TAFA5: variants seen among roughly 807,000 people sequenced by gnomAD.
TAFA5 encodes the protein chemokine-like protein TAFA-5.
A neutral mutation model predicts 15.3 loss-of-function variants in TAFA5; 6 were observed. The ratio of observed to expected loss-of-function variants is 0.39; its 90% CI spans 0.21 to 0.77. The LOEUF (loss-of-function observed/expected upper bound fraction) is 0.77. Among genes scored for constraint, TAFA5 ranks in the 30% least tolerant of loss-of-function variants. TAFA5 has a pLI of 0.41. For missense variants in TAFA5, 161 were observed against 193.1 expected (o/e 0.83, Z 0.98); for synonymous variants, 103 against 80.7 (o/e 1.28, Z -1.48).
intron 1 of TAFA5, among the ~76,000 whole-genome samples, chr22:48,551,818 G>A (rs907514854): frequency 1.6e-4 from 25 of 152,272 alleles, no homozygotes; most frequent in African/African-American, 2.9e-4. Flanking sequence ...TGCCCCGCCC[G>A]CTCCCCTGGC....
chr22:48,576,369 G>C, intron 1 of TAFA5: 1 of 1,220,620 alleles, frequency 8.2e-7, no homozygotes, highest in East Asian at 3.4e-5. Context: ...GTTGGCGGCG[G>C]ATGGAGGGCG....
chr22:48,517,806 G>A (rs1921465132), intron 1 of TAFA5, among the ~76,000 whole-genome samples: 1 of 152,098 alleles, frequency 6.6e-6, no homozygotes, highest in East Asian at 1.9e-4. Context: ...CCTCTCCCCT[G>A]CCCCCTCTGT....
chr22:48,622,307 G>A (rs1037509213), intron 1 of TAFA5, among the ~76,000 whole-genome samples: 4 of 152,170 alleles, frequency 2.6e-5, no homozygotes, highest in Non-Finnish European at 2.9e-5. Context: ...TGTTTCACAT[G>A]GGGGGCAGGC....
chr22:48,726,367 C>T (rs1432246861), intron 3 of TAFA5, among the ~76,000 whole-genome samples: 2 of 152,226 alleles, frequency 1.3e-5, no homozygotes, highest in Non-Finnish European at 2.9e-5. Flanking sequence ...GGGGCACTTA[C>T]ATACAGGGTA....
chr22:48,576,537 C>T (rs892877649), intron 1 of TAFA5: 13 of 1,519,042 alleles, frequency 8.6e-6, no homozygotes, highest in African/African-American at 4.3e-5. Context: ...GCTGCTTCCT[C>T]GTCCTAGTGA....
Position 48,646,586 on chromosome 22 carries a change from CCT to C in TAFA5, c.113-6_113-5del, listed in dbSNP as rs1196881008. 6.2e-7 allele frequency: 1 copy of C among 1,612,066 alleles called. No individual in the cohort carries two copies. The highest frequency in any genetic ancestry group is 1.1e-5 in the South Asian group (1 of 91,000). On this transcript the variant is annotated splice_polypyrimidine_tract_variant and intron_variant, in intron 1 of 3. Coordinates refer to ENST00000402357, the MANE Select transcript of TAFA5 (RefSeq NM_001082967.3). ...GTGTGGCCGCTCAGTCGCTTCTGCT[CCT>C]CTCTGCAGGTCAGCTGGCCGCCGGC...
chr22:48,729,494 A>C (rs2147266179), intron 3 of TAFA5, among the ~76,000 whole-genome samples: 2 of 147,784 alleles, frequency 1.4e-5, no homozygotes, highest in Admixed American at 1.4e-4. Flanking sequence ...TGAAAAGAGG[A>C]ATCAGATTAC....
intron 1 of TAFA5, among the ~76,000 whole-genome samples, chr22:48,640,210 G>C (rs1319570387): frequency 6.6e-6 from 1 of 152,180 alleles, no homozygotes. Flanking sequence ...GTGGAGGCTA[G>C]ATCTGGCCCT....
chr22:48,730,585 C>T (rs367954616), intron 3 of TAFA5, among the ~76,000 whole-genome samples: 3 of 152,174 alleles, frequency 2.0e-5, no homozygotes, highest in Non-Finnish European at 4.4e-5. Context: ...TTTTCAACAG[C>T]GTATGCTCAC....
At chr22:48,517,033 GTA>G (rs969575681) in intron 1 of TAFA5, among the ~76,000 whole-genome samples, 4 of 152,192 alleles carry the variant, frequency 2.6e-5, no homozygotes, top group African/African-American at 7.2e-5. Flanking sequence ...CCACCATGCT[GTA>G]CAACCCCACA....
chr22:48,748,288 G>A (rs9628480), intron 3 of TAFA5, among the ~76,000 whole-genome samples: 54,293 of 152,196 alleles, frequency 0.36, 11,469 homozygotes, highest in African/African-American at 0.58. Context: ...CTGGAACAAC[G>A]GCTGCAGACT....
At chr22:48,635,528 G>A (rs542175223) in intron 1 of TAFA5, among the ~76,000 whole-genome samples, 3 of 152,358 alleles carry the variant, frequency 2.0e-5, no homozygotes, top group African/African-American at 4.8e-5. Context: ...ACTGCGCAGC[G>A]CATTTCAGGG....
intron 2 of TAFA5, among the ~76,000 whole-genome samples, chr22:48,697,480 T>C (rs1181340741): frequency 6.6e-6 from 1 of 151,216 alleles, no homozygotes; most frequent in African/African-American, 2.4e-5. Context: ...GATGGTGATG[T>C]TGGTGATGGT....
intron 1 of TAFA5, among the ~76,000 whole-genome samples, chr22:48,582,365 T>TACCACACACAAAATAC (rs1924084807): frequency 8.0e-6 from 1 of 124,610 alleles, no homozygotes; most frequent in Non-Finnish European, 1.7e-5. Flanking sequence ...ATACACCACG[T>TACCACACACAAAATAC]ACCACACACA....
intron 3 of TAFA5, among the ~76,000 whole-genome samples, chr22:48,741,176 C>T (rs552593791): frequency 2.0e-5 from 3 of 152,272 alleles, no homozygotes; most frequent in South Asian, 4.1e-4. Flanking sequence ...GATTCCACCC[C>T]AGCCCCTTGG....
In TAFA5 at chr22:48,700,305, G is replaced by A. The variant is rs552839272; in HGVS notation, c.263-7412G>A. ...TCAGGGCAGGGGTGCAAGGAAAGGA[G>A]CTGGAAGCTAGCAGGTGGGGTGGGG... On this transcript the variant is annotated intron_variant, in intron 2 of 3. Transcript: ENST00000402357. Among the ~76,000 whole-genome samples the A allele has an allele frequency of 8.5e-5, 13 of 152,276 alleles. 1 individual carries two copies. Among genetic ancestry groups the A allele is most frequent in the Admixed American group, 7.2e-4 (11 of 15,306 alleles).
chr22:48,653,462 C>T (rs1026721664), intron 2 of TAFA5, among the ~76,000 whole-genome samples: 1 of 152,242 alleles, frequency 6.6e-6, no homozygotes, highest in Non-Finnish European at 1.5e-5. Flanking sequence ...GTGCCCTGGC[C>T]AGGGCCACTG....
chr22:48,738,566 C>T (rs1003028127), intron 3 of TAFA5, among the ~76,000 whole-genome samples: 2 of 152,208 alleles, frequency 1.3e-5, no homozygotes, highest in African/African-American at 4.8e-5. Context: ...CTACTCACCC[C>T]AGTGAGGAGT....
At chr22:48,610,470 C>T (rs745475709) in intron 1 of TAFA5, among the ~76,000 whole-genome samples, 2 of 152,346 alleles carry the variant, frequency 1.3e-5, no homozygotes, top group Admixed American at 6.5e-5. Flanking sequence ...CAGTGAACTG[C>T]GGACCTTCAT....
Sources: allele counts gnomAD v4.1 joint callset (sites outside exome capture counted in the v4.1 genomes callset), GRCh38; gene constraint gnomAD v4.1.1; transcripts MANE v1.5; gene names NCBI Gene and HGNC (gene_info 2026-07-23, HGNC 2026-07-21).